DOCK3: variants seen among roughly 807,000 people sequenced by gnomAD.
The protein encoded by DOCK3 is dedicator of cytokinesis 3, also known as dedicator of cytokinesis protein 3.
DOCK3 carries 60 observed loss-of-function variants against 265.6 expected under a neutral mutation model. The observed-to-expected ratio is 0.23, with a 90% CI of 0.18 to 0.28. The LOEUF (loss-of-function observed/expected upper bound fraction) is 0.28, where lower values mean the gene tolerates loss of function less well. Ranked by LOEUF, DOCK3 falls within the 10% of genes least tolerant of loss-of-function variation. The pLI is 1.00. For missense variants in DOCK3, 1,981 were observed against 2,594.3 expected, an observed-to-expected ratio of 0.76 and a Z score of 5.14; for synonymous variants, 881 against 938.0, an observed-to-expected ratio of 0.94 and a Z score of 1.11.
At chr3:51,195,408 T>C (rs2107903694) in intron 12 of DOCK3, among the ~76,000 whole-genome samples, 1 of 152,158 alleles carries the variant, frequency 6.6e-6, no homozygotes, top group Admixed American at 6.5e-5. Context: ...TTTTTGTATG[T>C]TTTCTTTTCT....
chr3:50,755,702 C>T (rs1008697637), intron 1 of DOCK3, among the ~76,000 whole-genome samples: 1 of 152,088 alleles, frequency 6.6e-6, no homozygotes, highest in Non-Finnish European at 1.5e-5. Context: ...TTAGTGAATC[C>T]ATTTTCTGTG....
chr3:51,329,672 T>A (rs1279635047), intron 32 of DOCK3, among the ~76,000 whole-genome samples: 1 of 152,162 alleles, frequency 6.6e-6, no homozygotes, highest in Non-Finnish European at 1.5e-5. Context: ...CTCATTTAGC[T>A]CCATTTAATG....
rs192421389 is a variant in DOCK3, at chr3:51,142,632, G to T, written c.747-3917G>T. Among the ~76,000 whole-genome samples, 45 of 152,124 alleles carry T rather than the reference G, an allele frequency of 3.0e-4. No homozygotes were observed. In the East Asian group the frequency reaches 8.5e-3, roughly 29 times the overall value. On this transcript the variant is annotated intron_variant, in intron 9 of 52. Coordinates refer to ENST00000266037, the MANE Select transcript of DOCK3 (RefSeq NM_004947.5). ...TAGATTATTCATTTATCCCCCTGAT[G>T]GATATTTGGGTTCTTACATGTTTTG...
chr3:51,309,625 GAGAGCGAGAGCGAGAGC>G (rs2082943749), intron 27 of DOCK3, among the ~76,000 whole-genome samples: 1 of 1,848 alleles, frequency 5.4e-4, no homozygotes, highest in African/African-American at 4.4e-3. Flanking sequence ...GAGGGAGAGC[GAGAGCGAGAGCGAGAGC>G]GAGAGCGAGA....
chr3:51,231,203 A>G (rs935549493), intron 19 of DOCK3, among the ~76,000 whole-genome samples: 1 of 129,188 alleles, frequency 7.7e-6, no homozygotes, highest in Non-Finnish European at 1.5e-5. Context: ...ATCTTGGCTC[A>G]CTGCAACCTC....
At chr3:50,703,018 C>T (rs2036153933) in intron 1 of DOCK3, among the ~76,000 whole-genome samples, 3 of 152,106 alleles carry the variant, frequency 2.0e-5, no homozygotes. Flanking sequence ...TTTATTCCTT[C>T]TATGCCTGAT....
At chr3:50,756,330 G>A (rs2108349087) in intron 1 of DOCK3, among the ~76,000 whole-genome samples, 1 of 152,188 alleles carries the variant, frequency 6.6e-6, no homozygotes, top group East Asian at 1.9e-4. Flanking sequence ...CGATCTTATT[G>A]GGAAGCTGCT....
chr3:51,015,744 ATATATTTC>A (rs796909564), intron 5 of DOCK3, among the ~76,000 whole-genome samples: 1 of 2,736 alleles, frequency 3.7e-4, no homozygotes, highest in African/African-American at 2.0e-3. Flanking sequence ...TATATATATC[ATATATTTC>A]TATATATGAT....
chr3:51,202,875 A>G (rs576007025), intron 12 of DOCK3, among the ~76,000 whole-genome samples: 4 of 151,940 alleles, frequency 2.6e-5, no homozygotes, highest in African/African-American at 9.7e-5. Flanking sequence ...ACACAAATCA[A>G]TAAATGTAAT....
chr3:51,248,830 C>T (rs1212107969), intron 22 of DOCK3, among the ~76,000 whole-genome samples: 4 of 145,202 alleles, frequency 2.8e-5, no homozygotes, highest in African/African-American at 5.1e-5. Flanking sequence ...ATGTGGAGAG[C>T]ACCTCTGCCC....
chr3:51,264,786 C>G (rs886185026), intron 23 of DOCK3, among the ~76,000 whole-genome samples: 4 of 151,028 alleles, frequency 2.6e-5, no homozygotes, highest in African/African-American at 9.8e-5. Flanking sequence ...AAGATCGCGC[C>G]ACCACACTCC....
intron 2 of DOCK3, among the ~76,000 whole-genome samples, chr3:50,815,183 T>C (rs1223360069): frequency 6.6e-6 from 1 of 152,246 alleles, no homozygotes; most frequent in Non-Finnish European, 1.5e-5. Context: ...CTATTATTAT[T>C]TCCTATTCCA....
At chr3:50,890,437 A>G (rs1326651912) in intron 4 of DOCK3, among the ~76,000 whole-genome samples, 1 of 152,054 alleles carries the variant, frequency 6.6e-6, no homozygotes, top group Admixed American at 6.6e-5. Context: ...AAAATTTTTT[A>G]TTTGCAAGTT....
intron 3 of DOCK3, among the ~76,000 whole-genome samples, chr3:50,860,460 G>A (rs190054822): frequency 1.3e-5 from 2 of 152,262 alleles, no homozygotes; most frequent in Non-Finnish European, 2.9e-5. Flanking sequence ...CAATAATCTG[G>A]CCACTTTTCC....
chr3:51,196,774 T>C (rs2088324718), intron 12 of DOCK3, among the ~76,000 whole-genome samples: 1 of 152,248 alleles, frequency 6.6e-6, no homozygotes, highest in African/African-American at 2.4e-5. Flanking sequence ...TTCTCATTCA[T>C]ATCCTGAATT....
chr3:51,259,080 G>C (rs1233009773), intron 22 of DOCK3, among the ~76,000 whole-genome samples: 2 of 152,134 alleles, frequency 1.3e-5, no homozygotes, highest in East Asian at 3.8e-4. Flanking sequence ...GCATTAAAAA[G>C]CTACTAGAAC....
chr3:50,949,608 G>T (rs1214844145), intron 5 of DOCK3, among the ~76,000 whole-genome samples: 1 of 151,922 alleles, frequency 6.6e-6, no homozygotes, highest in Non-Finnish European at 1.5e-5. Context: ...AAGCTCTCTA[G>T]GATTGTGTTT....
At chr3:51,309,398 C>A (rs1375154364) in intron 27 of DOCK3, among the ~76,000 whole-genome samples, 41 of 152,040 alleles carry the variant, frequency 2.7e-4, no homozygotes, top group Non-Finnish European at 4.0e-4. Flanking sequence ...CCCGGCCAAC[C>A]CAGCGAAACC....
chr3:51,336,366 C>T (rs1244494979), intron 35 of DOCK3, among the ~76,000 whole-genome samples: 1 of 150,980 alleles, frequency 6.6e-6, no homozygotes, highest in Non-Finnish European at 1.5e-5. Context: ...CTGGAACAGA[C>T]AGGGACAGAG....
Sources: gnomAD v4.1 joint callset for allele counts (sites outside exome capture counted in the v4.1 genomes callset) on GRCh38, gnomAD v4.1.1 for gene constraint, MANE v1.5 for transcripts, NCBI Gene and HGNC (gene_info 2026-07-23, HGNC 2026-07-21) for gene names.